Variants in EFCAB5 observed in about 807,000 individuals in gnomAD.
EFCAB5 encodes EF-hand calcium binding domain 5, also known as EF-hand calcium-binding domain-containing protein 5.
A neutral mutation model predicts 167.9 loss-of-function variants in EFCAB5; 131 were observed. That is an observed-to-expected ratio of 0.78 (90% CI 0.68 to 0.90). The LOEUF is 0.90. Ranked by LOEUF, EFCAB5 falls within the 40% of genes least tolerant of loss-of-function variation. The pLI is 0.00. For missense variants in EFCAB5, 1,663 were observed against 1,745.2 expected, an observed-to-expected ratio of 0.95 and a Z score of 0.84; for synonymous variants, 574 against 602.8, an observed-to-expected ratio of 0.95 and a Z score of 0.70.
At chr17:29,997,960 T>C (rs1183308201) in intron 6 of EFCAB5, among the ~76,000 whole-genome samples, 1 of 152,080 alleles carries the variant, frequency 6.6e-6, no homozygotes, top group Non-Finnish European at 1.5e-5. Flanking sequence ...ACCTCACTTG[T>C]CCCATAGGAA....
chr17:29,993,437 G>A, intron 5 of EFCAB5, 116 bp downstream of exon 5: 2 of 1,094,418 alleles, frequency 1.8e-6, no homozygotes, highest in Non-Finnish European at 2.5e-6. Flanking sequence ...TATTGCTGAG[G>A]TAAGTCTTGA....
chr17:29,995,476 A>G (rs890125458), intron 5 of EFCAB5, among the ~76,000 whole-genome samples: 6 of 152,172 alleles, frequency 3.9e-5, no homozygotes, highest in African/African-American at 1.4e-4. Flanking sequence ...TGTCTTCAGG[A>G]TCATACTGGT....
At chr17:29,986,672 G>T (rs1256996447) in intron 4 of EFCAB5, among the ~76,000 whole-genome samples, 1 of 96,492 alleles carries the variant, frequency 1.0e-5, no homozygotes, top group Non-Finnish European at 1.8e-5. Context: ...TTTTTGAGAC[G>T]GAGTCTCGCT....
chr17:30,009,359 A>G (rs1385994893), intron 7 of EFCAB5, among the ~76,000 whole-genome samples: 1 of 151,988 alleles, frequency 6.6e-6, no homozygotes, highest in African/African-American at 2.4e-5. Flanking sequence ...CCCACAAAAG[A>G]AACTTCATAC....
At chr17:29,985,759 T>A (rs2068268372) in intron 4 of EFCAB5, among the ~76,000 whole-genome samples, 3 of 152,200 alleles carry the variant, frequency 2.0e-5, no homozygotes, top group Admixed American at 2.0e-4. Context: ...TTCCTTGCCC[T>A]CTTTCCGGTA....
intron 3 of EFCAB5, among the ~76,000 whole-genome samples, chr17:29,956,797 G>A (rs1295672383): frequency 1.3e-5 from 2 of 152,068 alleles, no homozygotes; most frequent in African/African-American, 4.8e-5. Context: ...AGTGTTAGAA[G>A]TCACGGGAGT....
chr17:29,944,358 G>A (rs1198899109), intron 3 of EFCAB5, among the ~76,000 whole-genome samples: 1 of 152,034 alleles, frequency 6.6e-6, no homozygotes, highest in African/African-American at 2.4e-5. Flanking sequence ...TGAGATTATA[G>A]GCCAGAGGGT....
chr17:30,035,156 G>T (rs2069583300), intron 8 of EFCAB5, among the ~76,000 whole-genome samples: 1 of 152,142 alleles, frequency 6.6e-6, no homozygotes, highest in South Asian at 2.1e-4. Context: ...TATAAAATCT[G>T]AAATGTCTAT....
intron 3 of EFCAB5, among the ~76,000 whole-genome samples, chr17:29,948,316 CTCT>C (rs2067444487): frequency 6.6e-6 from 1 of 152,070 alleles, no homozygotes; most frequent in Admixed American, 6.6e-5. Flanking sequence ...GTGGTCTTTC[CTCT>C]TCTTCTACTT....
In EFCAB5 at chr17:30,090,669, T is replaced by C. The variant is rs374746803; in HGVS notation, c.3932T>C (p.Ile1311Thr). Residue 1311 changes from isoleucine to threonine, a missense_variant, in exon 20 of 23, where the codon ATC becomes ACC. Transcript: ENST00000394835. ...TCTGGAGAGATAAAGAAAAAATATA[T>C]CTTAGGTATCGTTCATGTGGCATCA... ...EFSGEIKKKY[I>T]LEIENVREVQ... 12 of 1,610,684 alleles carry C rather than the reference T, an allele frequency of 7.5e-6. No individual in the cohort carries two copies. The East Asian group carries it at 2.5e-4, about 33-fold the overall frequency.
chr17:29,946,429 CTTTTTTTTTTTTTTTTT>C (rs58247381), intron 3 of EFCAB5, among the ~76,000 whole-genome samples: 1 of 85,444 alleles, frequency 1.2e-5, no homozygotes, highest in Non-Finnish European at 2.1e-5. Flanking sequence ...ATGGAAATTT[CTTTTTTTTTTTTTTTTT>C]TTTTTTTTGA....
At chr17:29,991,132 C>T (rs1050389013) in intron 4 of EFCAB5, among the ~76,000 whole-genome samples, 1 of 152,182 alleles carries the variant, frequency 6.6e-6, no homozygotes, top group East Asian at 1.9e-4. Context: ...TCCGAGCTCC[C>T]CTTCTTACTC....
At chr17:30,080,550 G>GTT (rs5819877) in intron 16 of EFCAB5, among the ~76,000 whole-genome samples, 4 of 147,850 alleles carry the variant, frequency 2.7e-5, no homozygotes, top group Middle Eastern at 3.5e-3. Context: ...ATCCAAGCTT[G>GTT]TTTTTTTTTT....
chr17:30,048,075 A>G (rs1306935457), intron 8 of EFCAB5, among the ~76,000 whole-genome samples: 1 of 152,052 alleles, frequency 6.6e-6, no homozygotes, highest in Non-Finnish European at 1.5e-5. Context: ...ATCCCAAAAC[A>G]CTCCCGTGGA....
intron 8 of EFCAB5, among the ~76,000 whole-genome samples, chr17:30,044,573 C>A (rs938046555): frequency 5.9e-5 from 9 of 151,306 alleles, no homozygotes; most frequent in Non-Finnish European, 1.3e-4. Context: ...AAGACTCGAT[C>A]TCACAAGAAA....
intron 15 of EFCAB5, among the ~76,000 whole-genome samples, chr17:30,079,793 T>C (rs2070945637): frequency 6.6e-6 from 1 of 152,190 alleles, no homozygotes; most frequent in African/African-American, 2.4e-5. Context: ...AACCTCTAAA[T>C]TTGAGTAGAC....
intron 7 of EFCAB5, among the ~76,000 whole-genome samples, chr17:30,008,105 A>C (rs1297358486): frequency 6.6e-6 from 1 of 152,246 alleles, no homozygotes; most frequent in Non-Finnish European, 1.5e-5. Flanking sequence ...GATTAAAAAA[A>C]TAAAAGCTGT....
intron 22 of EFCAB5, among the ~76,000 whole-genome samples, chr17:30,101,858 G>C (rs1260245195): frequency 2.6e-5 from 4 of 152,186 alleles, no homozygotes; most frequent in Admixed American, 6.5e-5. Flanking sequence ...GAGAATTCCT[G>C]AAACAATGTC....
rs2151834316 is a variant in EFCAB5 at position 30,080,175 on chromosome 17, C to T, written c.3131C>T (p.Ala1044Val). The T allele has an allele frequency of 1.2e-6, 2 of 1,613,782 alleles. No homozygotes were observed. The highest frequency in any genetic ancestry group is 1.1e-5 in the South Asian group (1 of 91,046). Reference sequence around the variant, plus strand: ...GGGAATGTTCTATTGAGGAATGTGGCTTGTACCTTAGATGATGCTCAATTT... The same window carrying T: ...GGGAATGTTCTATTGAGGAATGTGGTTTGTACCTTAGATGATGCTCAATTT... Reference protein sequence around the residue: ...EKGNVLLRNVACTLDDAQFVL... With the variant: ...EKGNVLLRNVVCTLDDAQFVL... The change falls in exon 16 of 23, where the codon GCT becomes GTT. Residue 1044 changes from alanine to valine, a missense_variant. Ala to Val is a moderately conservative substitution (Grantham distance 64). Coordinates refer to ENST00000394835, the MANE Select transcript of EFCAB5 (RefSeq NM_198529.4).
Sources: allele counts gnomAD v4.1 joint callset (sites outside exome capture counted in the v4.1 genomes callset), GRCh38; gene constraint gnomAD v4.1.1; transcripts MANE v1.5; gene names NCBI Gene and HGNC (gene_info 2026-07-23, HGNC 2026-07-21).